The following PGPEP1L variants were observed in gnomAD, a reference collection of about 807,000 sequenced individuals.
The protein encoded by PGPEP1L is pyroglutamyl-peptidase I like, also known as pyroglutamyl-peptidase 1-like protein.
PGPEP1L carries 7 observed loss-of-function variants against 6.0 expected under a neutral mutation model. The ratio of observed to expected loss-of-function variants is 1.17; its 90% CI spans 0.66 to 2.19. The LOEUF is 2.19. Among genes scored for constraint, PGPEP1L ranks in the 30% most tolerant of loss-of-function variants. PGPEP1L has a pLI of 0.00. For missense variants in PGPEP1L, 209 were observed against 192.5 expected, an observed-to-expected ratio of 1.09 and a Z score of -0.51; for synonymous variants, 103 against 83.9, an observed-to-expected ratio of 1.23 and a Z score of -1.24.
At chr15:98,989,203 T>C (rs2017787530) in intron 2 of PGPEP1L, among the ~76,000 whole-genome samples, 1 of 152,198 alleles carries the variant, frequency 6.6e-6, no homozygotes, top group Admixed American at 6.5e-5. Context: ...AAGAAGCATG[T>C]TCTAACCCAA....
At chr15:98,986,711 G>A (rs2017752002) in intron 2 of PGPEP1L, among the ~76,000 whole-genome samples, 1 of 152,204 alleles carries the variant, frequency 6.6e-6, no homozygotes, top group Admixed American at 6.5e-5. Flanking sequence ...CAACTTCATG[G>A]AGAACTTTGC....
chr15:99,006,371 C>T (rs1363371036), intron 1 of PGPEP1L, among the ~76,000 whole-genome samples: 1 of 152,252 alleles, frequency 6.6e-6, no homozygotes, highest in East Asian at 1.9e-4. Context: ...TTAAACATGC[C>T]ACTGACAGTG....
intron 2 of PGPEP1L, among the ~76,000 whole-genome samples, chr15:98,991,816 A>C (rs2017823913): frequency 6.6e-6 from 1 of 152,244 alleles, no homozygotes; most frequent in Admixed American, 6.5e-5. Flanking sequence ...AAATCAATAA[A>C]TGTAAGCCAT....
intron 2 of PGPEP1L, among the ~76,000 whole-genome samples, chr15:98,982,431 T>G (rs925793037): frequency 6.6e-6 from 1 of 152,232 alleles, no homozygotes; most frequent in African/African-American, 2.4e-5. Context: ...CAGAGTGAAC[T>G]GTGTATCACC....
chr15:98,979,343 C>A (rs78478463), intron 2 of PGPEP1L, among the ~76,000 whole-genome samples: 414 of 4,310 alleles, frequency 0.096, no homozygotes, highest in African/African-American at 0.13. Context: ...AAAAAAAAAA[C>A]CAAAAAACAC....
At chr15:99,001,567 TTA>T (rs1258369908) in intron 2 of PGPEP1L, among the ~76,000 whole-genome samples, 1 of 152,216 alleles carries the variant, frequency 6.6e-6, no homozygotes, top group Non-Finnish European at 1.5e-5. Flanking sequence ...AGCATGTGGA[TTA>T]TATCTCAATG....
At chr15:99,000,867 T>C (rs887282803) in intron 2 of PGPEP1L, among the ~76,000 whole-genome samples, 3 of 152,242 alleles carry the variant, frequency 2.0e-5, no homozygotes, top group South Asian at 2.1e-4. Context: ...TTCCACACTG[T>C]GGAAGCTTTG....
At chr15:99,003,167 GA>G (rs553942696) in intron 2 of PGPEP1L, among the ~76,000 whole-genome samples, 17 of 106,546 alleles carry the variant, frequency 1.6e-4, no homozygotes, top group East Asian at 5.9e-4. Flanking sequence ...GAAACAGCCA[GA>G]AAAAAAAAAG....
rs74505222 is a variant in PGPEP1L at position 98,977,024 on chromosome 15, A to C, written c.-141-5866T>G. On this transcript the variant is annotated intron_variant, in intron 2 of 4. Transcript: ENST00000535714. ...ATGGCAAAAAAAAAAAAAAAAAAAC[A>C]AGTCTGTAGTGACTTTGATAAGAGT... 9.5e-3 allele frequency among the ~76,000 whole-genome samples: 1,276 copies of C among 134,904 alleles called. 15 individuals carry two copies. Among genetic ancestry groups the C allele is most frequent in the African/African-American group, 0.031 (1,179 of 37,720 alleles). 88.5% of individuals were successfully genotyped at this position (134,904 alleles called of 152,430 possible).
At chr15:99,002,099 T>A (rs939234991) in intron 2 of PGPEP1L, among the ~76,000 whole-genome samples, 4 of 151,970 alleles carry the variant, frequency 2.6e-5, no homozygotes, top group Non-Finnish European at 5.9e-5. Context: ...GCAGCTTCCA[T>A]CTCCTGGGCT....
intron 2 of PGPEP1L, among the ~76,000 whole-genome samples, chr15:99,002,015 C>A (rs1265875871): frequency 4.6e-5 from 7 of 151,934 alleles, no homozygotes; most frequent in Non-Finnish European, 7.4e-5. Flanking sequence ...TCGCACCTGG[C>A]CCTATTTTTA....
At chr15:98,999,013 G>A (rs1290915812) in intron 2 of PGPEP1L, among the ~76,000 whole-genome samples, 1 of 152,064 alleles carries the variant, frequency 6.6e-6, no homozygotes, top group Non-Finnish European at 1.5e-5. Flanking sequence ...GGGGGAAGGA[G>A]AAAATCTTAG....
chr15:98,970,977 C>T, intron 3 of PGPEP1L, 59 bp downstream of exon 3: 1 of 1,602,136 alleles, frequency 6.2e-7, no homozygotes, highest in Non-Finnish European at 8.5e-7. Flanking sequence ...CCCGGGGGTT[C>T]AGAGGCTCCA....
intron 2 of PGPEP1L, among the ~76,000 whole-genome samples, chr15:98,994,217 G>A (rs552927141): frequency 6.6e-6 from 1 of 152,164 alleles, no homozygotes; most frequent in South Asian, 2.1e-4. Flanking sequence ...AGTGAGCCAA[G>A]ATCATGCCAC....
intron 2 of PGPEP1L, among the ~76,000 whole-genome samples, chr15:98,977,213 T>C (rs1596513980): frequency 6.6e-6 from 1 of 151,824 alleles, no homozygotes; most frequent in African/African-American, 2.4e-5. Context: ...TTGATTTCTA[T>C]TGTTATATTT....
chr15:99,006,343 G>A (rs1235108984), intron 1 of PGPEP1L, among the ~76,000 whole-genome samples: 2 of 152,256 alleles, frequency 1.3e-5, no homozygotes, highest in South Asian at 2.1e-4. Context: ...GTGCTTTCTT[G>A]ACACTGTGCT....
At chr15:99,004,643 A>G (rs7164619) in intron 2 of PGPEP1L, among the ~76,000 whole-genome samples, 3 of 152,072 alleles carry the variant, frequency 2.0e-5, no homozygotes, top group African/African-American at 4.8e-5. Context: ...GCTTGAACCC[A>G]GGAGGCGGAG....
At chr15:99,006,906 G>A (rs1555473723) in intron 1 of PGPEP1L, among the ~76,000 whole-genome samples, 1 of 152,168 alleles carries the variant, frequency 6.6e-6, no homozygotes, top group Non-Finnish European at 1.5e-5. Flanking sequence ...GTCTGGGGAG[G>A]AGAAGCTCCC....
chr15:99,002,011 C>T (rs1029284018), intron 2 of PGPEP1L, among the ~76,000 whole-genome samples: 3 of 152,050 alleles, frequency 2.0e-5, no homozygotes, highest in Non-Finnish European at 2.9e-5. Flanking sequence ...GCCATCGCAC[C>T]TGGCCCTATT....
Sources: gnomAD v4.1 joint callset for allele counts (sites outside exome capture counted in the v4.1 genomes callset) on GRCh38, gnomAD v4.1.1 for gene constraint, MANE v1.5 for transcripts, NCBI Gene and HGNC (gene_info 2026-07-23, HGNC 2026-07-21) for gene names.